Variants in SND1 observed in about 807,000 individuals in gnomAD.
The protein encoded by SND1 is staphylococcal nuclease domain-containing protein 1.
A neutral mutation model predicts 121.7 loss-of-function variants in SND1; 38 were observed. That is an observed-to-expected ratio of 0.31 (90% CI 0.24 to 0.41). The LOEUF is 0.41. Ranked by LOEUF, SND1 falls within the 10% of genes least tolerant of loss-of-function variation. The pLI, the probability that SND1 is intolerant of heterozygous loss-of-function variation, is 1.00. For synonymous variants in SND1, 401 were observed against 447.4 expected (o/e 0.90, Z 1.31); for missense variants, 868 against 1,184.6 (o/e 0.73, Z 3.92).
chr7:127,802,780 G>A (rs1420634452), intron 10 of SND1, among the ~76,000 whole-genome samples: 1 of 152,112 alleles, frequency 6.6e-6, no homozygotes, highest in African/African-American at 2.4e-5. Flanking sequence ...TTCTCCGTTC[G>A]TCTATTCTAC....
chr7:127,972,550 C>G (rs759385730), intron 15 of SND1, among the ~76,000 whole-genome samples: 1 of 152,096 alleles, frequency 6.6e-6, no homozygotes, highest in East Asian at 1.9e-4. Flanking sequence ...AGCCACAGCA[C>G]CTGGCCCTAT....
At chr7:127,902,003 GTTTTTTCCTC>G (rs1800241980) in intron 13 of SND1, among the ~76,000 whole-genome samples, 1 of 152,132 alleles carries the variant, frequency 6.6e-6, no homozygotes, top group Non-Finnish European at 1.5e-5. Context: ...TCTGATGTTA[GTTTTTTCCTC>G]TTTGGTAGCG....
chr7:127,694,724 A>G (rs1377164009), intron 2 of SND1, 104 bp from the exon 3 acceptor site: 21 of 1,364,588 alleles, frequency 1.5e-5, no homozygotes, highest in African/African-American at 2.9e-5. Flanking sequence ...GGCCAGGACC[A>G]TGGTAGGTAC....
chr7:128,014,688 G>C lies in SND1; in HGVS notation c.1779+23632G>C, dbSNP rs527320027. Among the ~76,000 whole-genome samples the C allele has an allele frequency of 5.3e-5, 8 of 152,250 alleles. No individual in the cohort carries two copies. The South Asian group carries it at 1.5e-3, about 28-fold the overall frequency. ...GCCCACTGCTTCTTAACTTTGGGCAGATCTGTGGAGGGGAGATAGATCTAT... is the reference window on the plus strand; with the variant it reads ...GCCCACTGCTTCTTAACTTTGGGCACATCTGTGGAGGGGAGATAGATCTAT... On this transcript the variant is annotated intron_variant, in intron 16 of 23. Coordinates refer to ENST00000354725, the MANE Select transcript of SND1 (RefSeq NM_014390.4).
At chr7:127,913,133 G>T (rs1800493621) in intron 14 of SND1, among the ~76,000 whole-genome samples, 2 of 152,308 alleles carry the variant, frequency 1.3e-5, no homozygotes, top group South Asian at 4.1e-4. Flanking sequence ...GCTCAGGTGA[G>T]CTGCCCAGAG....
chr7:127,783,328 T>A (rs1797755380), intron 10 of SND1, among the ~76,000 whole-genome samples: 1 of 152,210 alleles, frequency 6.6e-6, no homozygotes. Context: ...ACAACAATTT[T>A]TGCCCATGGG....
chr7:127,659,750 A>G (rs1795275595), intron 1 of SND1, among the ~76,000 whole-genome samples: 1 of 152,202 alleles, frequency 6.6e-6, no homozygotes, highest in Non-Finnish European at 1.5e-5. Context: ...GTCAGGGGAC[A>G]CAAGTTCTGG....
chr7:128,014,481 G>C (rs1206663967), intron 16 of SND1, among the ~76,000 whole-genome samples: 1 of 152,190 alleles, frequency 6.6e-6, no homozygotes, highest in East Asian at 1.9e-4. Context: ...TCACTAGAAG[G>C]AGCTGGAGTG....
At chr7:127,825,675 G>A (rs1299655626) in intron 11 of SND1, among the ~76,000 whole-genome samples, 1 of 152,004 alleles carries the variant, frequency 6.6e-6, no homozygotes, top group East Asian at 1.9e-4. Context: ...CCAAAGTGTG[G>A]GATTACAGGC....
chr7:127,733,238 C>T (rs1796711920), intron 10 of SND1, among the ~76,000 whole-genome samples: 1 of 152,102 alleles, frequency 6.6e-6, no homozygotes, highest in Non-Finnish European at 1.5e-5. Flanking sequence ...TATTTTCTGC[C>T]TAATTGTAAC....
intron 1 of SND1, among the ~76,000 whole-genome samples, chr7:127,659,330 A>G (rs905030289): frequency 4.6e-5 from 7 of 152,268 alleles, no homozygotes; most frequent in Non-Finnish European, 8.8e-5. Flanking sequence ...CTAATGTTTA[A>G]GAAAAAAATG....
intron 16 of SND1, among the ~76,000 whole-genome samples, chr7:128,037,104 GCCATAACAAATCA>G (rs1728329486): frequency 6.6e-6 from 1 of 152,316 alleles, no homozygotes; most frequent in Admixed American, 6.5e-5. Flanking sequence ...TCTTGAGGCT[GCCATAACAAATCA>G]CCACATAGTT....
At chr7:127,857,905 T>C in intron 12 of SND1, 1 of 1,396,768 alleles carries the variant, frequency 7.2e-7, no homozygotes, top group Non-Finnish European at 1.0e-6. Context: ...ACGAAGGGGG[T>C]CCAGCTTCCG....
At chr7:127,828,273 G>A (rs983234072) in intron 11 of SND1, among the ~76,000 whole-genome samples, 3 of 151,904 alleles carry the variant, frequency 2.0e-5, no homozygotes, top group Admixed American at 6.6e-5. Flanking sequence ...CTGGGATTAC[G>A]GGTGTGAGCC....
chr7:127,867,528 T>C (rs1016055116), intron 12 of SND1, among the ~76,000 whole-genome samples: 1 of 152,210 alleles, frequency 6.6e-6, no homozygotes, highest in African/African-American at 2.4e-5. Flanking sequence ...ATCGCGTCTT[T>C]TGATGGTGTC....
chr7:127,684,435 G>T (rs553185012), intron 1 of SND1, among the ~76,000 whole-genome samples: 2 of 152,316 alleles, frequency 1.3e-5, no homozygotes, highest in East Asian at 3.9e-4. Flanking sequence ...TCAAGTGCAG[G>T]TATTCTGCAC....
chr7:127,906,553 C>T (rs1001176728), intron 14 of SND1, among the ~76,000 whole-genome samples: 38 of 152,070 alleles, frequency 2.5e-4, no homozygotes, highest in African/African-American at 8.7e-4. Context: ...AATGAAAACC[C>T]GTCTACACAA....
intron 10 of SND1, among the ~76,000 whole-genome samples, chr7:127,758,492 T>C (rs1186044362): frequency 1.5e-5 from 2 of 136,226 alleles, no homozygotes; most frequent in African/African-American, 4.9e-5. Context: ...AAAAGGTTAA[T>C]AGTATATCAG....
intron 15 of SND1, among the ~76,000 whole-genome samples, chr7:127,966,842 A>G (rs576557529): frequency 2.0e-5 from 3 of 146,504 alleles, no homozygotes; most frequent in Admixed American, 1.4e-4. Context: ...AAGGCAAGAA[A>G]TAACTAAAAT....
Sources: allele counts gnomAD v4.1 joint callset (sites outside exome capture counted in the v4.1 genomes callset), GRCh38; gene constraint gnomAD v4.1.1; transcripts MANE v1.5; gene names NCBI Gene and HGNC (gene_info 2026-07-23, HGNC 2026-07-21).